FBN1: variants seen among roughly 807,000 people sequenced by gnomAD.
FBN1 encodes the protein fibrillin 1, also known as fibrillin-1.
In FBN1, 29 loss-of-function variants were observed where a neutral mutation model predicts 365.1. The ratio of observed to expected loss-of-function variants is 0.08; its 90% confidence interval spans 0.06 to 0.11. The LOEUF (loss-of-function observed/expected upper bound fraction) is 0.11. Ranked by LOEUF, FBN1 falls within the 10% of genes least tolerant of loss-of-function variation. The probability of loss-of-function intolerance (pLI) is 1.00; values close to 1 mark genes in which losing one functional copy is unlikely to be tolerated. For missense variants in FBN1, 2,476 were observed against 3,703.2 expected (o/e 0.67, Z 8.60); for synonymous variants, 1,210 against 1,270.5 (o/e 0.95, Z 1.01).
At chr15:48,495,359 G>A (rs1029395100) in intron 21 of FBN1, 99 bp from the exon 22 acceptor site, 1 of 1,594,024 alleles carries the variant, frequency 6.3e-7, no homozygotes, top group Non-Finnish European at 8.6e-7. Context: ...AAGGAATAAT[G>A]AAGTTTTTAA....
intron 6 of FBN1, among the ~76,000 whole-genome samples, chr15:48,556,358 C>T (rs770500834): frequency 2.0e-5 from 3 of 152,164 alleles, no homozygotes; most frequent in Non-Finnish European, 4.4e-5. Flanking sequence ...ATTCGAAATC[C>T]AGCCAATGCC....
chr15:48,411,906 C>T (rs1334983958), intron 65 of FBN1, among the ~76,000 whole-genome samples: 2 of 152,196 alleles, frequency 1.3e-5, no homozygotes, highest in African/African-American at 2.4e-5. Context: ...GATTCATTGA[C>T]GTAAAACCAT....
chr15:48,598,689 T>TC (rs1441181166), intron 5 of FBN1, among the ~76,000 whole-genome samples: 4 of 152,088 alleles, frequency 2.6e-5, no homozygotes, highest in African/African-American at 9.7e-5. Context: ...CTCCTACCCA[T>TC]CCCTCAAGAC....
chr15:48,463,125 C>T lies in FBN1; in HGVS notation c.5181G>A (p.Arg1727=), dbSNP rs1288751290. ...KMCCCSYNIG[R]AWNKPCEQCP... is the part of the protein sequence containing the mutation. The stretch of plus-strand genomic sequence containing the variant: ...ACTGTTCACAGGGCTTGTTCCACGC[C>T]CGGCCAATGTTGTAGGAACAGCAGC... Residue 1727 remains arginine (R), a synonymous_variant, in exon 42 of 66, where the codon CGG becomes CGA. Coordinates refer to ENST00000316623, the MANE Select transcript of FBN1 (RefSeq NM_000138.5). The T allele has an allele frequency of 1.9e-6, 3 of 1,614,088 alleles. No individual in the cohort carries two copies. Among genetic ancestry groups the T allele is most frequent in the East Asian group, 2.2e-5 (1 of 44,884 alleles).
Position 48,593,872 on chromosome 15 carries a change from G to T in FBN1, c.538+2411C>A, listed in dbSNP as rs16961214. ...TGAAGGGAGAAAGGAAAGTAGTAAA[G>T]GCCTCCCGGATCTGCACTTTAAAAA... On this transcript the variant is annotated intron_variant, in intron 6 of 65. Transcript: ENST00000316623. 0.016 allele frequency among the ~76,000 whole-genome samples: 2,483 copies of T among 152,190 alleles called. 205 individuals are homozygous for T. In the East Asian group the frequency reaches 0.24, roughly 14 times the overall value.
Position 48,412,705 on chromosome 15 carries a change from G to C in FBN1, c.8090C>G (p.Pro2697Arg), listed in dbSNP as rs2042873483. The C allele has an allele frequency of 6.2e-7, 1 of 1,614,118 alleles. No homozygotes were observed. Among genetic ancestry groups the C allele is most frequent in the African/African-American group, 1.3e-5 (1 of 74,926 alleles). Residue 2697 changes from proline (P) to arginine (R), a missense_variant, in exon 65 of 66, where the codon CCA becomes CGA. This residue lies in a region of FBN1 where 1,780 missense variants were observed against 2,840.8 expected (regional missense o/e 0.63). Coordinates refer to ENST00000316623, the MANE Select transcript of FBN1 (RefSeq NM_000138.5). ...CATTTCACCACTGACAGGTGGCTCT[G>C]GGTTTCCTCGGCCCATGCCCATTCC... ...VSGMGMGRGN[P>R]EPPVSGEMDD... is the part of the protein sequence containing the mutation.
rs746719632 is a variant in FBN1 at position 48,441,840 on chromosome 15, T to A, written c.6044A>T (p.Asp2015Val). The change falls in exon 50 of 66, where the codon GAT becomes GTT. Residue 2015 changes from aspartate (D) to valine (V), a missense_variant. Transcript: ENST00000316623. ...SLQNEKCEDI[D>V]ECVEEPEICA... ...AATTTCTGGCTCTTCGACACACTCA[T>A]CAATATCTAAAAGAATCACATGAGT... 42 of 1,613,314 alleles carry A rather than the reference T, an allele frequency of 2.6e-5. No homozygotes were observed. The highest frequency in any genetic ancestry group is 2.6e-5 in the Non-Finnish European group (31 of 1,179,562).
rs1259235311 is a variant in FBN1, at chr15:48,427,675, C to T, written c.7096G>A (p.Asp2366Asn). ...TGGGGACCCCAGCCTCTCCCTCCGT[C>T]ACAGCAGCATTCCGATTTGGTGACG... is the stretch of plus-strand genomic sequence containing the variant. ...NPVTKSECCC[D>N]GGRGWGPHCE... Residue 2366 changes from aspartate (D) to asparagine (N), a missense_variant, in exon 58 of 66, where the codon GAC (aspartate) becomes AAC (asparagine). Asp to Asn is a conservative substitution (Grantham distance 23, BLOSUM62 1). Transcript: ENST00000316623. 5 of 1,614,138 alleles carry T rather than the reference C, an allele frequency of 3.1e-6. No homozygotes were observed. The South Asian group carries it at 5.5e-5, about 18-fold the overall frequency.
At chr15:48,497,707 G>A (rs144199800) in intron 18 of FBN1, among the ~76,000 whole-genome samples, 1 of 152,218 alleles carries the variant, frequency 6.6e-6, no homozygotes, top group Non-Finnish European at 1.5e-5. Context: ...TGGATCGACA[G>A]CAGATCCCAA....
intron 2 of FBN1, among the ~76,000 whole-genome samples, chr15:48,627,372 TA>T (rs1369028101): frequency 3.3e-5 from 5 of 152,200 alleles, no homozygotes; most frequent in Non-Finnish European, 7.4e-5. Context: ...CACCCTCCGG[TA>T]AAAACATTAG....
At chr15:48,476,774 C>CTT (rs34020705) in intron 32 of FBN1, 43 of 64,596 alleles carry the variant, frequency 6.7e-4, no homozygotes, top group East Asian at 1.9e-3. Flanking sequence ...CCACGCCTGG[C>CTT]TTTTTTTTTT....
intron 2 of FBN1, among the ~76,000 whole-genome samples, chr15:48,616,417 A>C (rs777455083): frequency 3.9e-4 from 59 of 152,346 alleles, no homozygotes; most frequent in Non-Finnish European, 7.6e-4. Context: ...AGAAACTGCA[A>C]ACTATTAGAA....
At chr15:48,602,294 A>G (rs2044573587) in intron 4 of FBN1, among the ~76,000 whole-genome samples, 1 of 152,158 alleles carries the variant, frequency 6.6e-6, no homozygotes, top group South Asian at 2.1e-4. Context: ...TCTCTTTTGA[A>G]GCATATATTA....
At chr15:48,507,095 T>C (rs562051222) in intron 15 of FBN1, among the ~76,000 whole-genome samples, 2 of 152,314 alleles carry the variant, frequency 1.3e-5, no homozygotes, top group African/African-American at 4.8e-5. Context: ...GCATTATCTA[T>C]TGGCCATACT....
At chr15:48,526,046 G>T in intron 9 of FBN1, 84 bp downstream of exon 9, 1 of 1,532,172 alleles carries the variant, frequency 6.5e-7, no homozygotes, top group Non-Finnish European at 9.0e-7. Flanking sequence ...AATTATATGT[G>T]CTCCTTAACA....
chr15:48,451,304 T>C (rs992628536), intron 45 of FBN1, among the ~76,000 whole-genome samples: 2 of 152,190 alleles, frequency 1.3e-5, no homozygotes, highest in Non-Finnish European at 2.9e-5. Context: ...TGCAGGGAAG[T>C]GGTATCAATG....
intron 2 of FBN1, among the ~76,000 whole-genome samples, chr15:48,621,312 T>TGA (rs1889761219): frequency 6.6e-6 from 1 of 152,150 alleles, no homozygotes; most frequent in South Asian, 2.1e-4. Context: ...AAATCCTATC[T>TGA]CAGCCAGGCA....
intron 2 of FBN1, among the ~76,000 whole-genome samples, chr15:48,627,637 A>T (rs539647091): frequency 1.7e-5 from 2 of 118,418 alleles, no homozygotes; most frequent in South Asian, 2.7e-4. Flanking sequence ...ATGATCTTCT[A>T]AAAAAAACCC....
chr15:48,519,726 C>T (rs1048255211), intron 10 of FBN1, among the ~76,000 whole-genome samples: 3 of 152,108 alleles, frequency 2.0e-5, no homozygotes, highest in East Asian at 1.9e-4. Flanking sequence ...CAGAAATGCT[C>T]GGATTGGGTG....
Sources: gnomAD v4.1 joint callset for allele counts (sites outside exome capture counted in the v4.1 genomes callset) on GRCh38, gnomAD v4.1.1 for gene constraint, gnomAD v4.1.1 regional missense constraint, MANE v1.5 for transcripts, NCBI Gene and HGNC (gene_info 2026-07-23, HGNC 2026-07-21) for gene names.